SLC41A3: variants seen among roughly 807,000 people sequenced by gnomAD.
The protein encoded by SLC41A3 is SLC41A1-like 2.
In SLC41A3, 44 loss-of-function variants were observed where a neutral mutation model predicts 45.4. That is an observed-to-expected ratio of 0.97 (90% CI 0.76 to 1.25). The LOEUF (loss-of-function observed/expected upper bound fraction) is 1.25, where lower values mean the gene tolerates loss of function less well. Ranked by LOEUF, SLC41A3 falls within the 50% of genes most tolerant of loss-of-function variation. The probability of loss-of-function intolerance (pLI) is 0.00; values close to 1 mark genes in which losing one functional copy is unlikely to be tolerated. For synonymous variants in SLC41A3, 256 were observed against 252.4 expected, an observed-to-expected ratio of 1.01 and a Z score of -0.13; for missense variants, 550 against 600.6, an observed-to-expected ratio of 0.92 and a Z score of 0.88.
chr3:126,017,493 G>A (rs1002647166), intron 6 of SLC41A3, among the ~76,000 whole-genome samples: 10 of 152,204 alleles, frequency 6.6e-5, no homozygotes, highest in African/African-American at 2.2e-4. Flanking sequence ...AGTGAAGACT[G>A]GGCAGGTGCT....
chr3:126,018,248 TG>T (rs1162521437), intron 6 of SLC41A3, among the ~76,000 whole-genome samples: 1 of 152,222 alleles, frequency 6.6e-6, no homozygotes, highest in Non-Finnish European at 1.5e-5. Context: ...CATGTGGAAA[TG>T]AGCACACGGT....
intron 2 of SLC41A3, chr3:126,056,463 C>G: frequency 6.2e-7 from 1 of 1,614,212 alleles, no homozygotes; most frequent in Non-Finnish European, 8.5e-7. Context: ...CAGGCAAGAC[C>G]CCATGTGGGG....
At position 126,022,861 on chromosome 3, in the gene SLC41A3, T is replaced by C. The variant is rs1941016970; in HGVS notation, c.670A>G (p.Ile224Val). Residue 224 changes from isoleucine (I) to valine (V), a missense_variant, in exon 6 of 11, where the codon ATT becomes GTT. Transcript: ENST00000360370. Reference protein sequence around the residue: ...GVNPDNIATPIAASLGDLITL... With the variant: ...GVNPDNIATPVAASLGDLITL... ...ATGAGGTCTCCCAGGCTGGCTGCAA[T>C]GGGCGTGGCAATGTTGTCTGGGTTG... 1.9e-6 allele frequency: 3 copies of C among 1,614,056 alleles called. No homozygotes were observed. Among genetic ancestry groups the C allele is most frequent in the South Asian group, 1.1e-5 (1 of 91,088 alleles).
Position 126,012,751 on chromosome 3 carries a change from T to C in SLC41A3, c.971-2A>G. 6.2e-7 allele frequency: 1 copy of C among 1,614,114 alleles called. No individual in the cohort carries two copies. The highest frequency in any genetic ancestry group is 8.5e-7 in the Non-Finnish European group (1 of 1,179,972). On this transcript the variant is annotated splice_acceptor_variant, in intron 8 of 10. Transcript: ENST00000360370. LOFTEE classifies it high-confidence loss of function. Reference sequence around the variant, plus strand: ...TGGCCACCAGATTGCCACCAACACCTACGAGGAGAAAAGGAATCTGTTTTC... The same window carrying C: ...TGGCCACCAGATTGCCACCAACACCCACGAGGAGAAAAGGAATCTGTTTTC...
chr3:126,045,995 A>G (rs1193859474), intron 3 of SLC41A3, among the ~76,000 whole-genome samples: 2 of 136,690 alleles, frequency 1.5e-5, no homozygotes, highest in African/African-American at 7.2e-5. Context: ...CAATGGGGGG[A>G]AAAAAAACCA....
At chr3:126,092,118 CCTGGCCATAAACTGGCCCCAAAAG>C (rs1351187760) in intron 1 of SLC41A3, among the ~76,000 whole-genome samples, 3 of 152,220 alleles carry the variant, frequency 2.0e-5, no homozygotes, top group African/African-American at 7.2e-5. Flanking sequence ...CCCCCCAAAA[CCTGGCCATAAACTGGCCCCAAAAG>C]TGGCCATAAA....
intron 2 of SLC41A3, among the ~76,000 whole-genome samples, chr3:126,051,823 T>C (rs1443904111): frequency 6.6e-6 from 1 of 152,158 alleles, no homozygotes; most frequent in Non-Finnish European, 1.5e-5. Context: ...CTCCTGGTTT[T>C]GGAATTCTAG....
intron 1 of SLC41A3, among the ~76,000 whole-genome samples, chr3:126,080,535 TA>T (rs1404717834): frequency 1.3e-5 from 2 of 152,180 alleles, no homozygotes; most frequent in Non-Finnish European, 2.9e-5. Context: ...AAATGGCTTT[TA>T]TAAAAAAGAC....
chr3:126,027,766 G>T (rs1259812509), intron 4 of SLC41A3, among the ~76,000 whole-genome samples: 1 of 152,210 alleles, frequency 6.6e-6, no homozygotes, highest in Non-Finnish European at 1.5e-5. Flanking sequence ...GACAGTGAAG[G>T]CCAGGCTGAT....
At chr3:126,044,768 C>T (rs1379906598) in intron 3 of SLC41A3, among the ~76,000 whole-genome samples, 2 of 151,214 alleles carry the variant, frequency 1.3e-5, no homozygotes, top group Admixed American at 1.3e-4. Context: ...TAGTGGTGGG[C>T]GCCTGTAGTC....
In SLC41A3 at chr3:126,050,938, C is replaced by T. The variant is rs769371832; in HGVS notation, c.381+5G>A. ...GCCGCCTCGAATGTCCAGGTGTCCA[C>T]TTACAGCTGTGGAGAGTCTGGATGC... On this transcript the variant is annotated splice_donor_5th_base_variant and intron_variant, in intron 3 of 10. Coordinates refer to ENST00000360370, the MANE Select transcript of SLC41A3 (RefSeq NM_017836.4). 21 of 1,610,588 alleles carry T rather than the reference C, an allele frequency of 1.3e-5. No individual in the cohort carries two copies. Among genetic ancestry groups the T allele is most frequent in the Non-Finnish European group, 1.6e-5 (19 of 1,178,392 alleles).
intron 5 of SLC41A3, chr3:126,023,588 TCCTGC>T (rs1158332762): frequency 6.6e-6 from 1 of 152,598 alleles, no homozygotes; most frequent in Non-Finnish European, 1.5e-5. Flanking sequence ...CCAGGAACAG[TCCTGC>T]ACTGGGAGCT....
intron 1 of SLC41A3, among the ~76,000 whole-genome samples, chr3:126,074,405 T>C (rs1220338551): frequency 6.6e-6 from 1 of 151,924 alleles, no homozygotes; most frequent in Non-Finnish European, 1.5e-5. Flanking sequence ...TTTTTGCCAA[T>C]TCTATTAAAC....
At chr3:126,057,065 G>A in intron 2 of SLC41A3, 2 of 995,556 alleles carry the variant, frequency 2.0e-6, no homozygotes, top group Non-Finnish European at 2.4e-6. Flanking sequence ...CCTGGCAGAG[G>A]AGGGCCTGGG....
At chr3:126,057,771 G>A (rs9869721) in intron 2 of SLC41A3, 100,262 of 152,144 alleles carry the variant, frequency 0.66, 33,280 homozygotes, top group Middle Eastern at 0.72. Flanking sequence ...CTTGCACTGC[G>A]TCTTTGTGCA....
chr3:126,052,789 T>C (rs1187974845), intron 2 of SLC41A3, among the ~76,000 whole-genome samples: 1 of 152,130 alleles, frequency 6.6e-6, no homozygotes, highest in Admixed American at 6.5e-5. Context: ...CTCCTGACCA[T>C]GTTAATACCG....
chr3:126,051,538 C>G (rs1229403907), intron 2 of SLC41A3, among the ~76,000 whole-genome samples: 1 of 72,844 alleles, frequency 1.4e-5, no homozygotes, highest in Non-Finnish European at 3.4e-5. Context: ...CACTGAGCAC[C>G]CTGTGGGGCT....
intron 3 of SLC41A3, among the ~76,000 whole-genome samples, chr3:126,047,146 T>G (rs1007600526): frequency 2.0e-5 from 3 of 152,086 alleles, no homozygotes; most frequent in African/African-American, 7.2e-5. Context: ...GCAAATAGCT[T>G]GAGCTCAGGA....
At chr3:126,056,751 C>G (rs997448111) in intron 2 of SLC41A3, 13 of 1,413,210 alleles carry the variant, frequency 9.2e-6, no homozygotes, top group South Asian at 3.2e-5. Flanking sequence ...GAGTGAGGAA[C>G]AAAGGCCAGT....
Sources: gnomAD v4.1 joint callset for allele counts (sites outside exome capture counted in the v4.1 genomes callset) on GRCh38, gnomAD v4.1.1 for gene constraint, MANE v1.5 for transcripts, NCBI Gene and HGNC (gene_info 2026-07-23, HGNC 2026-07-21) for gene names.